The following GPR158 variants were observed in gnomAD, a reference collection of about 807,000 sequenced individuals.
GPR158 encodes G protein-coupled receptor 158.
GPR158 carries 30 observed loss-of-function variants against 78.2 expected under a neutral mutation model. The ratio of observed to expected loss-of-function variants is 0.38; its 90% confidence interval spans 0.29 to 0.52. The LOEUF is 0.52. GPR158 is among the 20% of genes least tolerant of loss of function. The probability of loss-of-function intolerance (pLI) is 0.83; values close to 1 mark genes in which losing one functional copy is unlikely to be tolerated. For missense variants in GPR158, 1,463 were observed against 1,523.5 expected, an observed-to-expected ratio of 0.96 and a Z score of 0.66; for synonymous variants, 581 against 591.1, an observed-to-expected ratio of 0.98 and a Z score of 0.25.
intron 5 of GPR158, among the ~76,000 whole-genome samples, chr10:25,506,391 G>A (rs1041871018): frequency 9.2e-5 from 14 of 152,198 alleles, no homozygotes. Flanking sequence ...CAGGCTTAAA[G>A]GGATAGGTAT....
chr10:25,560,008 A>G (rs1355512521), intron 6 of GPR158, among the ~76,000 whole-genome samples: 1 of 152,228 alleles, frequency 6.6e-6, no homozygotes, highest in African/African-American at 2.4e-5. Flanking sequence ...CCAAAGAGTA[A>G]TCACAATAGC....
intron 4 of GPR158, among the ~76,000 whole-genome samples, chr10:25,422,598 T>C (rs1362106749): frequency 6.8e-6 from 1 of 147,074 alleles, no homozygotes; most frequent in Non-Finnish European, 1.5e-5. Context: ...TCTCTTACTA[T>C]CATCTATTGT....
chr10:25,417,292 G>A (rs939544062), intron 4 of GPR158, among the ~76,000 whole-genome samples: 4 of 152,086 alleles, frequency 2.6e-5, no homozygotes, highest in Non-Finnish European at 5.9e-5. Context: ...ATTCTGTGGG[G>A]GTGTCATAAT....
At position 25,602,043 on chromosome 10, in the gene GPR158, A is replaced by G. The variant is rs995037896; in HGVS notation, c.*2769A>G. On this transcript the variant is annotated 3_prime_UTR_variant, in exon 11 of 11. Transcript: ENST00000376351. The stretch of plus-strand genomic sequence containing the variant: ...AAAACACTGCCTTTTGACTTCTAGC[A>G]TTTAGCAACCGAGAGTCGTAGAGTC... 2 of 152,526 alleles carry G rather than the reference A, an allele frequency of 1.3e-5. No individual in the cohort carries two copies. Among genetic ancestry groups the G allele is most frequent in the African/African-American group, 4.8e-5 (2 of 41,448 alleles). 9.4% of individuals were successfully genotyped at this position (152,526 alleles called of 1,614,324 possible). A position where few individuals can be genotyped will look rare whatever the true frequency, so the allele number is the denominator to read the frequency against.
At chr10:25,322,333 A>T (rs911455940) in intron 2 of GPR158, among the ~76,000 whole-genome samples, 3 of 151,820 alleles carry the variant, frequency 2.0e-5, no homozygotes, top group African/African-American at 7.3e-5. Flanking sequence ...GTGAGCCGAG[A>T]TGGCGCCACT....
chr10:25,398,059 T>C (rs1191436746), intron 3 of GPR158, among the ~76,000 whole-genome samples: 1 of 152,076 alleles, frequency 6.6e-6, no homozygotes, highest in African/African-American at 2.4e-5. Context: ...ACTACTACAA[T>C]TGCAGGGAAG....
chr10:25,469,832 C>T (rs1003493765), intron 5 of GPR158, among the ~76,000 whole-genome samples: 2 of 145,472 alleles, frequency 1.4e-5, no homozygotes, highest in Non-Finnish European at 3.0e-5. Context: ...ATCTAATGAG[C>T]CCCCCCCAAC....
At chr10:25,292,080 A>T (rs923213289) in intron 2 of GPR158, among the ~76,000 whole-genome samples, 1 of 152,148 alleles carries the variant, frequency 6.6e-6, no homozygotes, top group South Asian at 2.1e-4. Flanking sequence ...ACACACCCAC[A>T]CACATATACA....
At chr10:25,327,561 G>A (rs544154550) in intron 2 of GPR158, among the ~76,000 whole-genome samples, 505 of 48,174 alleles carry the variant, frequency 0.01, 3 homozygotes, top group African/African-American at 0.057. Flanking sequence ...GTGAGATAAA[G>A]ACTCTTCATC....
intron 4 of GPR158, among the ~76,000 whole-genome samples, chr10:25,442,678 G>C (rs1321082529): frequency 6.6e-6 from 1 of 152,130 alleles, no homozygotes; most frequent in East Asian, 1.9e-4. Flanking sequence ...CAGAGAGCCA[G>C]TAAGAACCAC....
chr10:25,243,260 G>A (rs1221030508), intron 2 of GPR158, among the ~76,000 whole-genome samples: 6 of 152,096 alleles, frequency 3.9e-5, no homozygotes, highest in Admixed American at 3.9e-4. Context: ...AAATTTACCT[G>A]TTTTTCAAAG....
At chr10:25,597,353 G>T (rs988871122) in intron 10 of GPR158, among the ~76,000 whole-genome samples, 1 of 152,188 alleles carries the variant, frequency 6.6e-6, no homozygotes, top group Non-Finnish European at 1.5e-5. Context: ...GCTGTGTTTT[G>T]TTCTGGTCCA....
At chr10:25,415,073 T>G (rs1834642208) in intron 4 of GPR158, among the ~76,000 whole-genome samples, 1 of 152,082 alleles carries the variant, frequency 6.6e-6, no homozygotes, top group African/African-American at 2.4e-5. Flanking sequence ...CCCAAGAAAC[T>G]TTTATTAGGA....
chr10:25,572,367 C>G (rs1167585920), intron 6 of GPR158, among the ~76,000 whole-genome samples: 3 of 152,110 alleles, frequency 2.0e-5, no homozygotes, highest in Admixed American at 6.6e-5. Flanking sequence ...GTGGCACGTG[C>G]CTGGAGTCTC....
intron 2 of GPR158, among the ~76,000 whole-genome samples, chr10:25,235,703 T>TG: frequency 6.7e-6 from 1 of 149,002 alleles, no homozygotes; most frequent in South Asian, 2.2e-4. Flanking sequence ...ATTTTTTTTT[T>TG]TTTTTTTTTT....
At chr10:25,575,882 C>T (rs562226528) in intron 7 of GPR158, among the ~76,000 whole-genome samples, 1 of 151,276 alleles carries the variant, frequency 6.6e-6, no homozygotes, top group African/African-American at 2.4e-5. Flanking sequence ...CACATTTATT[C>T]TTATCTTTTC....
chr10:25,530,773 CCTT>C (rs1174635721), intron 5 of GPR158, among the ~76,000 whole-genome samples: 2 of 152,188 alleles, frequency 1.3e-5, no homozygotes, highest in African/African-American at 2.4e-5. Flanking sequence ...TCGTTTAACT[CCTT>C]CTCAGTCACT....
intron 5 of GPR158, among the ~76,000 whole-genome samples, chr10:25,470,941 C>T (rs1027721624): frequency 1.3e-4 from 20 of 148,614 alleles, no homozygotes; most frequent in African/African-American, 4.4e-4. Context: ...TAGGCTGTCA[C>T]CTCTTTGATG....
Position 25,241,161 on chromosome 10 carries a change from CTT to C in GPR158, c.1008+20006_1008+20007del, listed in dbSNP as rs1198255186. Among the ~76,000 whole-genome samples, 59 of 122,090 alleles carry C rather than the reference CTT, an allele frequency of 4.8e-4. 2 individuals are homozygous for C. The highest frequency in any genetic ancestry group is 1.3e-3 in the Admixed American group (16 of 12,170). The allele number at this position is 122,090 out of a possible 152,430, so 80.1% of individuals were successfully genotyped here. A position where few individuals can be genotyped will look rare whatever the true frequency, so the allele number is the denominator to read the frequency against. ...TCTTTCTTTCTTTCTTTCTTTCTTT[CTT>C]TCTTTCTTTCTTTCTTTCTTTCTTT... On this transcript the variant is annotated intron_variant, in intron 2 of 10. Transcript: ENST00000376351.
Sources: allele counts gnomAD v4.1 joint callset (sites outside exome capture counted in the v4.1 genomes callset), GRCh38; gene constraint gnomAD v4.1.1; transcripts MANE v1.5; gene names NCBI Gene and HGNC (gene_info 2026-07-23, HGNC 2026-07-21).